The following XPNPEP1 variants were observed in gnomAD, a reference collection of about 807,000 sequenced individuals.
XPNPEP1 encodes the protein X-prolyl aminopeptidase 1.
A neutral mutation model predicts 92.4 loss-of-function variants in XPNPEP1; 39 were observed. The observed-to-expected ratio is 0.42, with a 90% CI of 0.33 to 0.55. The LOEUF is 0.55. Among genes scored for constraint, XPNPEP1 ranks in the 20% least tolerant of loss-of-function variants. The pLI is 0.08. For synonymous variants in XPNPEP1, 307 were observed against 299.4 expected (o/e 1.03, Z -0.26); for missense variants, 654 against 856.1 (o/e 0.76, Z 2.95).
chr10:109,884,091 G>A lies in XPNPEP1; in HGVS notation c.806C>T (p.Ala269Val), dbSNP rs1589572887. ...CATGATCGTCTCTAGTCCTATGATT[G>A]CGTAGGAGAAAAATACTGGATTGTG... ...VEHNPVFFSY[A>V]IIGLETIMLF... The change falls in exon 9 of 21, where the codon GCA becomes GTA. Residue 269 changes from alanine (A) to valine (V), a missense_variant. Physicochemically the swap from Ala to Val is moderately conservative, Grantham distance 64. Coordinates refer to ENST00000502935, the MANE Select transcript of XPNPEP1 (RefSeq NM_020383.4). The A allele has an allele frequency of 3.1e-6, 5 of 1,614,058 alleles. No individual in the cohort carries two copies. The highest frequency in any genetic ancestry group is 4.2e-6 in the Non-Finnish European group (5 of 1,179,962).
intron 14 of XPNPEP1, 170 bp downstream of exon 14, chr10:109,877,620 G>A: frequency 1.2e-6 from 1 of 820,622 alleles, no homozygotes; most frequent in Non-Finnish European, 1.9e-6. Context: ...CAGAGGCTTG[G>A]GGATTGGGAG....
chr10:109,881,905 A>G (rs777174147), intron 10 of XPNPEP1, among the ~76,000 whole-genome samples: 15 of 152,094 alleles, frequency 9.9e-5, no homozygotes, highest in South Asian at 4.2e-4. Context: ...CAACTCCCCA[A>G]TCCTCTCTGA....
chr10:109,916,885 C>A lies in XPNPEP1; in HGVS notation c.33-1786G>T, dbSNP rs1302156920. ...GAATAAAGAACAAAATCTACATGGT[C>A]TTCTCAACAAACGCAGAAAAAGCAC... On this transcript the variant is annotated intron_variant, in intron 1 of 20. Transcript: ENST00000502935. Among the ~76,000 whole-genome samples, 4 of 152,144 alleles carry A rather than the reference C, an allele frequency of 2.6e-5. No homozygotes were observed. The South Asian group carries it at 8.3e-4, about 32-fold the overall frequency.
At chr10:109,919,707 G>A (rs1369873990) in intron 1 of XPNPEP1, among the ~76,000 whole-genome samples, 1 of 152,206 alleles carries the variant, frequency 6.6e-6, no homozygotes. Context: ...AAATAAAAGT[G>A]TCTATCCATA....
rs534631835 is a variant in XPNPEP1, at chr10:109,902,598, G to A, written c.246+5093C>T. ...TTTCTCCACGTATGTAAGACAGACA[G>A]CTAAGCTACAGCAATAGAAATGACA... is the stretch of plus-strand genomic sequence containing the variant. On this transcript the variant is annotated intron_variant, in intron 3 of 20. Transcript: ENST00000502935. Among the ~76,000 whole-genome samples the A allele has an allele frequency of 8.1e-4, 123 of 152,340 alleles. 1 individual carries two copies. The highest frequency in any genetic ancestry group is 2.9e-3 in the African/African-American group (120 of 41,584).
At chr10:109,903,897 T>G (rs905357721) in intron 3 of XPNPEP1, among the ~76,000 whole-genome samples, 19 of 149,914 alleles carry the variant, frequency 1.3e-4, no homozygotes, top group Non-Finnish European at 2.7e-4. Flanking sequence ...TAGGCTGGAG[T>G]GCAGTGGCGC....
chr10:109,923,505 G>C lies in XPNPEP1; in HGVS notation c.-72C>G. 8.0e-7 allele frequency: 1 copy of C among 1,245,222 alleles called. No individual in the cohort carries two copies. Among genetic ancestry groups the C allele is most frequent in the Non-Finnish European group, 1.0e-6 (1 of 991,564 alleles). 77.1% of individuals were successfully genotyped at this position (1,245,222 alleles called of 1,614,324 possible). ...TGATCACCCGCGGAAGGGCCGGCGC[G>C]AAGGAGGCGCGAGAGCCGGCGGGCG... is the stretch of plus-strand genomic sequence containing the variant. On this transcript the variant is annotated 5_prime_UTR_variant, in exon 1 of 21. Transcript: ENST00000502935.
chr10:109,901,000 A>G (rs923918416), intron 3 of XPNPEP1, among the ~76,000 whole-genome samples: 14 of 152,164 alleles, frequency 9.2e-5, no homozygotes, highest in African/African-American at 3.4e-4. Flanking sequence ...TTATTGCGGC[A>G]CTATTCACAA....
intron 1 of XPNPEP1, among the ~76,000 whole-genome samples, chr10:109,917,317 C>A (rs1385352543): frequency 6.6e-6 from 1 of 152,098 alleles, no homozygotes; most frequent in African/African-American, 2.4e-5. Flanking sequence ...TTTAAAAAAT[C>A]AATTTGACTT....
chr10:109,903,236 C>T (rs1849380235), intron 3 of XPNPEP1, among the ~76,000 whole-genome samples: 1 of 152,196 alleles, frequency 6.6e-6, no homozygotes, highest in Non-Finnish European at 1.5e-5. Context: ...ACCTTCAACT[C>T]TTAATTCAAG....
chr10:109,880,775 G>T, intron 11 of XPNPEP1, 67 bp downstream of exon 11: 1 of 1,481,856 alleles, frequency 6.7e-7, no homozygotes. Context: ...ATGCCACAGA[G>T]GAGGTGAAGG....
chr10:109,880,350 C>T (rs1355394834), intron 11 of XPNPEP1, 112 bp from the exon 12 acceptor site: 25 of 1,057,634 alleles, frequency 2.4e-5, no homozygotes, highest in Non-Finnish European at 3.5e-5. Context: ...GGCCACACAT[C>T]ATCAGCAACC....
intron 7 of XPNPEP1, among the ~76,000 whole-genome samples, 169 bp downstream of exon 7, chr10:109,887,880 G>A (rs1198770804): frequency 2.6e-5 from 4 of 152,218 alleles, no homozygotes; most frequent in African/African-American, 7.2e-5. Flanking sequence ...GGCAACAGTG[G>A]AAACAAACAA....
intron 3 of XPNPEP1, among the ~76,000 whole-genome samples, chr10:109,895,683 A>T (rs906513116): frequency 7.9e-5 from 12 of 152,242 alleles, no homozygotes; most frequent in African/African-American, 2.7e-4. Flanking sequence ...AACACAGCAT[A>T]GGGCCTAAAA....
intron 3 of XPNPEP1, among the ~76,000 whole-genome samples, chr10:109,900,996 C>T (rs530369374): frequency 7.2e-5 from 11 of 152,106 alleles, no homozygotes; most frequent in South Asian, 2.1e-4. Flanking sequence ...ATGTTTATTG[C>T]GGCACTATTC....
intron 10 of XPNPEP1, among the ~76,000 whole-genome samples, chr10:109,881,468 G>C (rs2133397002): frequency 6.6e-6 from 1 of 152,350 alleles, no homozygotes; most frequent in Admixed American, 6.5e-5. Flanking sequence ...GAATCCAGCA[G>C]AGGGGCCTCA....
intron 20 of XPNPEP1, among the ~76,000 whole-genome samples, chr10:109,866,434 A>G (rs1382344815): frequency 2.6e-5 from 4 of 152,234 alleles, no homozygotes; most frequent in African/African-American, 7.2e-5. Context: ...GCAAACTGCT[A>G]TGTGTCCACA....
At chr10:109,866,432 C>T (rs979944502) in intron 20 of XPNPEP1, among the ~76,000 whole-genome samples, 4 of 152,222 alleles carry the variant, frequency 2.6e-5, no homozygotes, top group Non-Finnish European at 4.4e-5. Context: ...AGGCAAACTG[C>T]TATGTGTCCA....
rs867339912 is a variant in XPNPEP1 at position 109,892,948 on chromosome 10, G to A, written c.310+64C>T. 20 of 1,524,128 alleles carry A rather than the reference G, an allele frequency of 1.3e-5. No homozygotes were observed. In the African/African-American group the frequency reaches 1.6e-4, roughly 13 times the overall value. 94.4% of individuals were successfully genotyped at this position (1,524,128 alleles called of 1,614,324 possible). On this transcript the variant is annotated intron_variant, in intron 4 of 20. Coordinates refer to ENST00000502935, the MANE Select transcript of XPNPEP1 (RefSeq NM_020383.4). ...GCTTCTATATCACAGGCTGAAACTC[G>A]GTTCAGTTATTTTTAGGAGGCGAAC...
Sources: gnomAD v4.1 joint callset for allele counts (sites outside exome capture counted in the v4.1 genomes callset) on GRCh38, gnomAD v4.1.1 for gene constraint, MANE v1.5 for transcripts, NCBI Gene and HGNC (gene_info 2026-07-23, HGNC 2026-07-21) for gene names.